Variants in PDGFA observed in about 807,000 individuals in gnomAD.
The protein encoded by PDGFA is platelet derived growth factor subunit A.
A neutral mutation model predicts 25.6 loss-of-function variants in PDGFA; 9 were observed. The ratio of observed to expected loss-of-function variants is 0.35; its 90% CI spans 0.21 to 0.61. The LOEUF is 0.61. Among genes scored for constraint, PDGFA ranks in the 20% least tolerant of loss-of-function variants. The probability of loss-of-function intolerance (pLI) is 0.75; values close to 1 mark genes in which losing one functional copy is unlikely to be tolerated. For synonymous variants in PDGFA, 133 were observed against 111.8 expected (o/e 1.19, Z -1.20); for missense variants, 242 against 272.8 (o/e 0.89, Z 0.79).
rs1052783667 is a variant in PDGFA, at chr7:500,367, G to T, written c.580+749C>A. On this transcript the variant is annotated intron_variant, in intron 5 of 5. Transcript: ENST00000402802. The surrounding 1 kb of genome is among the most constrained non-coding windows in gnomAD (Gnocchi z 5.0). ...GCGAGACAGGAAGCGTGATTTGCTG[G>T]TGTGATCAGTCAGTTGCACCTCCCC... The T allele has an allele frequency of 3.9e-6, 6 of 1,544,600 alleles. No individual in the cohort carries two copies. Among genetic ancestry groups the T allele is most frequent in the Non-Finnish European group, 4.5e-6 (5 of 1,117,364 alleles).
Position 508,559 on chromosome 7 carries a change from C to CAAAAAAAAAAA in PDGFA, c.453+2239_453+2249dup, listed in dbSNP as rs766165770. 5.3e-3 allele frequency among the ~76,000 whole-genome samples: 188 copies of CAAAAAAAAAAA among 35,664 alleles called. 44 individuals carry two copies. Among genetic ancestry groups the CAAAAAAAAAAA allele is most frequent in the East Asian group, 0.016 (19 of 1,168 alleles). The allele number at this position is 35,664 out of a possible 152,430, so 23.4% of individuals were successfully genotyped here. ...TGGGCAACAGAGCAAGAAGCTGTCC[C>CAAAAAAAAAAA]AAAAAAAAAAAAAAAAAAAAAAAAA... On this transcript the variant is annotated intron_variant, in intron 4 of 5. Transcript: ENST00000402802.
chr7:498,312 C>A, exon 6 of PDGFA: 2 of 484,234 alleles, frequency 4.1e-6, no homozygotes, highest in East Asian at 3.2e-5. Context: ...GTTTTGTTTT[C>A]TCTCTCTCTT....
intron 2 of PDGFA, among the ~76,000 whole-genome samples, chr7:514,651 A>T (rs929382595): frequency 6.6e-6 from 1 of 152,216 alleles, no homozygotes; most frequent in South Asian, 2.1e-4. Context: ...TCTCCCAACC[A>T]TCAGTCCTGG....
Position 502,532 on chromosome 7 carries a change from G to T in PDGFA, c.454-1290C>A, listed in dbSNP as rs573936641. On this transcript the variant is annotated intron_variant, in intron 4 of 5. Coordinates refer to ENST00000402802, the Ensembl canonical transcript of PDGFA. ...GATCCAGGAGGAGCACAGGCCAGCA[G>T]GCCGTGGCTATCAGGCACAGGCAGC... 2.6e-5 allele frequency among the ~76,000 whole-genome samples: 4 copies of T among 152,300 alleles called. No individual in the cohort carries two copies. In the South Asian group the frequency reaches 8.3e-4, roughly 32 times the overall value.
At chr7:506,965 C>T (rs954370454) in intron 4 of PDGFA, among the ~76,000 whole-genome samples, 1 of 152,188 alleles carries the variant, frequency 6.6e-6, no homozygotes, top group Non-Finnish European at 1.5e-5. Flanking sequence ...TTTGGGGGCC[C>T]CTCCCGGCCA....
intron 2 of PDGFA, among the ~76,000 whole-genome samples, chr7:513,873 C>T (rs1216548990): frequency 6.6e-6 from 1 of 152,226 alleles, no homozygotes; most frequent in African/African-American, 2.4e-5. Flanking sequence ...CCGAAAATGA[C>T]TCAATGTTCC....
intron 4 of PDGFA, among the ~76,000 whole-genome samples, chr7:504,812 C>A (rs1002278506): frequency 2.6e-5 from 4 of 152,254 alleles, no homozygotes; most frequent in Admixed American, 6.5e-5. Flanking sequence ...GCAGAGACCG[C>A]AGGCCCGTCT....
At chr7:509,251 G>A (rs1432845741) in intron 4 of PDGFA, among the ~76,000 whole-genome samples, 1 of 152,252 alleles carries the variant, frequency 6.6e-6, no homozygotes, top group Admixed American at 6.5e-5. Context: ...AGGGGACGGC[G>A]TTAGGAGGTG....
chr7:497,842 C>T (rs1232352498), exon 6 of PDGFA: 10 of 107,920 alleles, frequency 9.3e-5, no homozygotes, highest in Admixed American at 1.2e-4. Flanking sequence ...TGTGTGTTAT[C>T]GGTGTAAATG....
Position 517,330 on chromosome 7 carries a change from C to A in PDGFA, c.160+64G>T. 2 of 695,454 alleles carry A rather than the reference C, an allele frequency of 2.9e-6. No homozygotes were observed. Among genetic ancestry groups the A allele is most frequent in the Non-Finnish European group, 4.0e-6 (2 of 494,408 alleles). The allele number at this position is 695,454 out of a possible 1,614,324, so 43.1% of individuals were successfully genotyped here. On this transcript the variant is annotated intron_variant, in intron 2 of 5. Coordinates refer to ENST00000402802, the Ensembl canonical transcript of PDGFA. This position sits in a 1 kb window ranked among gnomAD's most constrained non-coding sequence, Gnocchi z 7.4. The stretch of plus-strand genomic sequence containing the variant: ...TGCGCGGCGCCCCGCCCGGCCCCAG[C>A]TCGGGGCGCACAGGCCGCCCGCCCG...
intron 4 of PDGFA, among the ~76,000 whole-genome samples, chr7:506,386 C>T (rs1428903837): frequency 6.6e-6 from 1 of 152,088 alleles, no homozygotes; most frequent in African/African-American, 2.4e-5. Flanking sequence ...GGCCCCTGCC[C>T]AGCCTGGCTC....
At chr7:520,014 C>G, upstream of PDGFA, 1 of 382,944 alleles carries the variant, frequency 2.6e-6, no homozygotes, top group Non-Finnish European at 5.2e-6. Flanking sequence ...GCCGCCGCCG[C>G]GGCAGGGAGC....
chr7:502,137 G>A (rs13225445), intron 4 of PDGFA, among the ~76,000 whole-genome samples: 3,800 of 152,122 alleles, frequency 0.025, 65 homozygotes, highest in Non-Finnish European at 0.037. Flanking sequence ...TAGGAGGATC[G>A]CTTGAGCCCA....
intron 4 of PDGFA, among the ~76,000 whole-genome samples, chr7:507,596 G>C (rs1352230268): frequency 1.3e-5 from 2 of 152,212 alleles, no homozygotes; most frequent in Non-Finnish European, 2.9e-5. Context: ...CTGAGCCATG[G>C]GCTGAGAGCC....
exon 4 of PDGFA, chr7:510,993 T>A: frequency 6.2e-7 from 1 of 1,611,762 alleles, no homozygotes; most frequent in Non-Finnish European, 8.5e-7. Context: ...GGGGACAGCT[T>A]CCTCTGCAAC....
chr7:508,311 A>T (rs889859309), intron 4 of PDGFA, among the ~76,000 whole-genome samples: 1 of 152,040 alleles, frequency 6.6e-6, no homozygotes, highest in Non-Finnish European at 1.5e-5. Context: ...ATATTCCAGG[A>T]AAAGCAGGCT....
At position 500,367 on chromosome 7, in the gene PDGFA, G is replaced by A. The variant is rs1052783667; in HGVS notation, c.580+749C>T. ...GCGAGACAGGAAGCGTGATTTGCTG[G>A]TGTGATCAGTCAGTTGCACCTCCCC... is the stretch of plus-strand genomic sequence containing the variant. On this transcript the variant is annotated intron_variant, in intron 5 of 5. Coordinates refer to ENST00000402802, the Ensembl canonical transcript of PDGFA. The surrounding 1 kb of genome is among the most constrained non-coding windows in gnomAD (Gnocchi z 5.0). The A allele has an allele frequency of 1.4e-5, 22 of 1,544,484 alleles. No homozygotes were observed. The highest frequency in any genetic ancestry group is 1.7e-5 in the Non-Finnish European group (19 of 1,117,374).
intron 5 of PDGFA, among the ~76,000 whole-genome samples, chr7:499,101 T>A (rs1361743628): frequency 6.6e-6 from 1 of 152,138 alleles, no homozygotes; most frequent in Non-Finnish European, 1.5e-5. Context: ...TGAACATGAG[T>A]ACCAGCCAGG....
At chr7:514,963 G>T (rs916743821) in intron 2 of PDGFA, among the ~76,000 whole-genome samples, 1 of 149,854 alleles carries the variant, frequency 6.7e-6, no homozygotes, top group Non-Finnish European at 1.5e-5. Flanking sequence ...GTCAAGGAGC[G>T]GCCAAGACCC....
Sources: allele counts gnomAD v4.1 joint callset (sites outside exome capture counted in the v4.1 genomes callset), GRCh38; gene constraint gnomAD v4.1.1; non-coding constraint Gnocchi (gnomAD v3.1); transcripts MANE v1.5; gene names NCBI Gene and HGNC (gene_info 2026-07-23, HGNC 2026-07-21).